The following RACGAP1 variants were observed in gnomAD, a reference collection of about 807,000 sequenced individuals.
RACGAP1 encodes Rac GTPase activating protein 1, also known as rac GTPase-activating protein 1.
Under a neutral mutation model 78.1 loss-of-function variants are expected in RACGAP1, and 30 were observed. The observed-to-expected ratio is 0.38, with a 90% CI of 0.29 to 0.52. The LOEUF (loss-of-function observed/expected upper bound fraction) is 0.52, where lower values mean the gene tolerates loss of function less well. Ranked by LOEUF, RACGAP1 falls within the 20% of genes least tolerant of loss-of-function variation. RACGAP1 has a pLI of 0.82. For synonymous variants in RACGAP1, 231 were observed against 264.8 expected (o/e 0.87, Z 1.24); for missense variants, 587 against 777.1 (o/e 0.76, Z 2.91).
Position 49,999,752 on chromosome 12 carries a change from T to A in RACGAP1, c.631-19A>T. 6.4e-7 allele frequency: 1 copy of A among 1,563,698 alleles called. No individual in the cohort carries two copies. Among genetic ancestry groups the A allele is most frequent in the African/African-American group, 1.4e-5 (1 of 74,026 alleles). ...CATTCCCCTGCAACAAAAGTAGTAA[T>A]GAGGAAAGACAAACAAAGAATCTAA... On this transcript the variant is annotated intron_variant, in intron 7 of 16. Coordinates refer to ENST00000312377, the MANE Select transcript of RACGAP1 (RefSeq NM_001319999.2).
intron 10 of RACGAP1, among the ~76,000 whole-genome samples, chr12:49,995,496 ATT>A (rs111917291): frequency 2.1e-5 from 3 of 146,046 alleles, no homozygotes; most frequent in Admixed American, 6.9e-5. Context: ...TTACATAATA[ATT>A]TTTTTTTTTT....
At chr12:49,999,767 A>T (rs373402517) in intron 7 of RACGAP1, 34 bp from the exon 8 acceptor site, 3 of 1,519,354 alleles carry the variant, frequency 2.0e-6, no homozygotes, top group Non-Finnish European at 2.7e-6. Context: ...AAAGACAAAC[A>T]AAGAATCTAA....
chr12:50,006,142 T>C (rs1201583283), intron 3 of RACGAP1, among the ~76,000 whole-genome samples: 1 of 152,186 alleles, frequency 6.6e-6, no homozygotes, highest in Non-Finnish European at 1.5e-5. Context: ...TCAAGTACGT[T>C]AGGATCTCCC....
intron 1 of RACGAP1, among the ~76,000 whole-genome samples, chr12:50,024,805 C>T (rs1470420843): frequency 6.6e-6 from 1 of 151,684 alleles, no homozygotes; most frequent in Non-Finnish European, 1.5e-5. Context: ...AAAAAAAGGG[C>T]TTATCTACCC....
At position 50,018,790 on chromosome 12, in the gene RACGAP1, A is replaced by AG. The variant is rs945251825; in HGVS notation, c.-4-2072dup. On this transcript the variant is annotated intron_variant, in intron 1 of 16. Coordinates refer to ENST00000312377, the MANE Select transcript of RACGAP1 (RefSeq NM_001319999.2). ...TGGTTGTTTAAAAAAAAGCTTTTTT[A>AG]GGGGGGGTTTTAAGTCTTAAATTAC... Among the ~76,000 whole-genome samples, 12 of 151,826 alleles carry AG rather than the reference A, an allele frequency of 7.9e-5. No homozygotes were observed. In the East Asian group the frequency reaches 2.1e-3, roughly 27 times the overall value.
intron 5 of RACGAP1, among the ~76,000 whole-genome samples, chr12:50,002,964 C>A (rs1412486765): frequency 6.8e-6 from 1 of 147,388 alleles, no homozygotes; most frequent in African/African-American, 2.5e-5. Flanking sequence ...GCGGAGCTTG[C>A]AGTGAGCTGA....
chr12:50,015,489 G>A (rs1299847822), intron 2 of RACGAP1, among the ~76,000 whole-genome samples: 5 of 152,226 alleles, frequency 3.3e-5, no homozygotes, highest in Non-Finnish European at 2.9e-5. Context: ...GGGTAAAATA[G>A]GGAGACCTTA....
chr12:50,013,082 A>G (rs1949452724), intron 2 of RACGAP1, among the ~76,000 whole-genome samples: 1 of 152,190 alleles, frequency 6.6e-6, no homozygotes, highest in African/African-American at 2.4e-5. Flanking sequence ...AAAAATAAAA[A>G]ATAAAAAAAG....
At chr12:50,001,071 C>T (rs961552819) in intron 7 of RACGAP1, 101 bp downstream of exon 7, 2 of 1,001,192 alleles carry the variant, frequency 2.0e-6, no homozygotes, top group Non-Finnish European at 2.9e-6. Flanking sequence ...AAAACTTTAA[C>T]TAAACATCAT....
intron 12 of RACGAP1, 24 bp downstream of exon 12, chr12:49,994,107 T>C (rs769791874): frequency 1.9e-6 from 3 of 1,570,648 alleles, no homozygotes; most frequent in Middle Eastern, 2.3e-4. Context: ...GGAATTCATA[T>C]TCAAGTATTA....
upstream of RACGAP1, among the ~76,000 whole-genome samples, chr12:50,026,993 C>T (rs931969539): frequency 6.6e-6 from 1 of 152,130 alleles, no homozygotes. Flanking sequence ...CAATAGCAGG[C>T]GTTCGGCTGA....
At chr12:49,998,317 T>C (rs926603786) in intron 9 of RACGAP1, among the ~76,000 whole-genome samples, 3 of 151,882 alleles carry the variant, frequency 2.0e-5, no homozygotes, top group Non-Finnish European at 4.4e-5. Flanking sequence ...GGCAGGAGGA[T>C]TGCTTGAACC....
At chr12:50,027,164 A>T (rs1277591285), upstream of RACGAP1, among the ~76,000 whole-genome samples, 1 of 152,216 alleles carries the variant, frequency 6.6e-6, no homozygotes, top group African/African-American at 2.4e-5. Flanking sequence ...TGCAATACAG[A>T]TTATTATTAA....
At chr12:49,999,402 A>G (rs771205042) in intron 8 of RACGAP1, 131 bp from the exon 9 acceptor site, 5 of 1,234,444 alleles carry the variant, frequency 4.1e-6, no homozygotes, top group Non-Finnish European at 5.6e-6. Context: ...ATGGCTATGT[A>G]AAAAAACAGT....
chr12:50,005,390 T>C lies in RACGAP1; in HGVS notation c.291A>G (p.Glu97=). The change falls in exon 4 of 17, where the codon GAA becomes GAG. Residue 97 remains glutamate (E), a splice_region_variant and synonymous_variant. Coordinates refer to ENST00000312377, the MANE Select transcript of RACGAP1 (RefSeq NM_001319999.2). ...QRAEADCEKL[E]RQIQLIREML... Reference sequence around the variant, plus strand: ...TCTCTCGAATCAGCTGAATCTGTCGTTCCTACAGACCAAAGCAAAGTAAAA... The same window carrying C: ...TCTCTCGAATCAGCTGAATCTGTCGCTCCTACAGACCAAAGCAAAGTAAAA... 1.9e-6 allele frequency: 3 copies of C among 1,614,108 alleles called. No individual in the cohort carries two copies. In the South Asian group the frequency reaches 3.3e-5, roughly 18 times the overall value.
At chr12:50,024,105 G>A (rs1950154568) in intron 1 of RACGAP1, among the ~76,000 whole-genome samples, 2 of 151,898 alleles carry the variant, frequency 1.3e-5, no homozygotes, top group Admixed American at 1.3e-4. Flanking sequence ...AGCTTGCAGT[G>A]AGCCGAGATC....
intron 1 of RACGAP1, among the ~76,000 whole-genome samples, chr12:50,019,493 C>CAGGATGAGAAGGACAAGATGT (rs1949876259): frequency 1.3e-5 from 2 of 152,040 alleles, no homozygotes; most frequent in African/African-American, 4.8e-5. Context: ...AAAAGAATTT[C>CAGGATGAGAAGGACAAGATGT]CATTCTACCT....
intron 12 of RACGAP1, 137 bp from the exon 13 acceptor site, chr12:49,992,792 T>C (rs1947985059): frequency 1.8e-6 from 1 of 560,252 alleles, no homozygotes; most frequent in Non-Finnish European, 3.1e-6. Flanking sequence ...CATCAGACTC[T>C]AGTTTCATTA....
intron 1 of RACGAP1, among the ~76,000 whole-genome samples, chr12:50,019,465 A>G (rs1949873431): frequency 6.6e-6 from 1 of 152,182 alleles, no homozygotes; most frequent in Non-Finnish European, 1.5e-5. Flanking sequence ...ACACACACAT[A>G]TCTGTGATGC....
Sources: gnomAD v4.1 joint callset for allele counts (sites outside exome capture counted in the v4.1 genomes callset) on GRCh38, gnomAD v4.1.1 for gene constraint, MANE v1.5 for transcripts, NCBI Gene and HGNC (gene_info 2026-07-23, HGNC 2026-07-21) for gene names.